ADK: variants seen among roughly 807,000 people sequenced by gnomAD.
The protein encoded by ADK is N6,N6-dimethyladenosine kinase.
Under a neutral mutation model 44.7 loss-of-function variants are expected in ADK, and 24 were observed. The observed-to-expected ratio is 0.54, with a 90% CI of 0.39 to 0.76. The LOEUF (loss-of-function observed/expected upper bound fraction) is 0.76, where lower values mean the gene tolerates loss of function less well. ADK is among the 30% of genes least tolerant of loss of function. The probability of loss-of-function intolerance (pLI) is 0.00; values close to 1 mark genes in which losing one functional copy is unlikely to be tolerated. For synonymous variants in ADK, 128 were observed against 142.6 expected, an observed-to-expected ratio of 0.90 and a Z score of 0.73; for missense variants, 321 against 425.1, an observed-to-expected ratio of 0.76 and a Z score of 2.15.
At chr10:74,218,016 G>A (rs1222034070) in intron 2 of ADK, among the ~76,000 whole-genome samples, 3 of 152,218 alleles carry the variant, frequency 2.0e-5, no homozygotes, top group Non-Finnish European at 4.4e-5. Context: ...AACAAAGCTG[G>A]ACGGAGAATG....
chr10:74,250,026 A>C (rs1845587844), intron 3 of ADK, among the ~76,000 whole-genome samples: 2 of 152,170 alleles, frequency 1.3e-5, no homozygotes, highest in African/African-American at 4.8e-5. Context: ...GCTTCTGAAG[A>C]CTTATTGCGC....
In ADK at chr10:74,431,740, C is replaced by CCAATCAAT. The variant is rs3037403; in HGVS notation, c.555+33176_555+33183dup. Among the ~76,000 whole-genome samples, 315 of 150,516 alleles carry CCAATCAAT rather than the reference C, an allele frequency of 2.1e-3. 3 individuals are homozygous for CCAATCAAT. The highest frequency in any genetic ancestry group is 3.2e-3 in the South Asian group (15 of 4,752). On this transcript the variant is annotated intron_variant, in intron 6 of 10. Transcript: ENST00000539909. ...TGGGCAACAGAGCAAGACTCTGTCT[C>CCAATCAAT]CAATCAATCAATCAATCAATCAGTA...
At chr10:74,418,387 A>G (rs1400703227) in intron 6 of ADK, among the ~76,000 whole-genome samples, 1 of 152,060 alleles carries the variant, frequency 6.6e-6, no homozygotes, top group East Asian at 1.9e-4. Flanking sequence ...ATACATTATT[A>G]GAGCACTTAC....
At chr10:74,459,622 G>A (rs750992797) in intron 6 of ADK, among the ~76,000 whole-genome samples, 1 of 151,284 alleles carries the variant, frequency 6.6e-6, no homozygotes, top group Non-Finnish European at 1.5e-5. Context: ...CCACCTGCTC[G>A]GGAGGCTGAG....
chr10:74,530,094 T>C (rs974826745), intron 7 of ADK, among the ~76,000 whole-genome samples: 1 of 152,122 alleles, frequency 6.6e-6, no homozygotes, highest in African/African-American at 2.4e-5. Context: ...ATCAGTTGAG[T>C]GATGAAATTT....
intron 10 of ADK, among the ~76,000 whole-genome samples, chr10:74,677,139 G>A (rs979343363): frequency 2.7e-4 from 41 of 152,254 alleles, no homozygotes; most frequent in African/African-American, 5.5e-4. Flanking sequence ...CAGCTACTCC[G>A]GAGGCTGAGG....
rs6480733 is a variant in ADK at position 74,313,008 on chromosome 10, T to A, written c.195-1659T>A. On this transcript the variant is annotated intron_variant, in intron 3 of 10. Transcript: ENST00000539909. The stretch of plus-strand genomic sequence containing the variant: ...TTGTGCTTATTTTTAATTAACAAAC[T>A]TATACAATGTCTGTAAACTCTATAC... Among the ~76,000 whole-genome samples the A allele has an allele frequency of 5.2e-3, 781 of 150,668 alleles. 1 individual carries two copies. Among genetic ancestry groups the A allele is most frequent in the Admixed American group, 8.3e-3 (125 of 15,088 alleles).
intron 1 of ADK, among the ~76,000 whole-genome samples, chr10:74,190,396 GTCTTTCT>G (rs1842919703): frequency 6.6e-6 from 1 of 152,178 alleles, no homozygotes; most frequent in Non-Finnish European, 1.5e-5. Context: ...GCCTTCTCAG[GTCTTTCT>G]TGAGTATGCC....
chr10:74,172,689 C>CAA (rs67914966), intron 1 of ADK, among the ~76,000 whole-genome samples: 20 of 66,270 alleles, frequency 3.0e-4, no homozygotes, highest in South Asian at 1.2e-3. Flanking sequence ...AACTCCATCT[C>CAA]AAAAAAAAAA....
At chr10:74,491,212 GTTTGTTGAGTGAATAAAGGA>G (rs1180986891) in intron 6 of ADK, among the ~76,000 whole-genome samples, 2 of 152,034 alleles carry the variant, frequency 1.3e-5, no homozygotes. Flanking sequence ...CTCAGTGAGT[GTTTGTTGAGTGAATAAAGGA>G]TCTTCACTTG....
intron 4 of ADK, among the ~76,000 whole-genome samples, chr10:74,340,532 T>C (rs1377153327): frequency 1.3e-5 from 2 of 152,158 alleles, no homozygotes; most frequent in African/African-American, 4.8e-5. Context: ...TAGCATTTGC[T>C]TTGATTAAAA....
At chr10:74,313,225 A>G (rs889354222) in intron 3 of ADK, among the ~76,000 whole-genome samples, 7 of 152,122 alleles carry the variant, frequency 4.6e-5, no homozygotes, top group Admixed American at 1.3e-4. Flanking sequence ...TTTGCATGCA[A>G]TAGTGTATGA....
intron 2 of ADK, among the ~76,000 whole-genome samples, chr10:74,218,973 T>C (rs1249617064): frequency 2.0e-5 from 3 of 151,832 alleles, no homozygotes; most frequent in Admixed American, 6.6e-5. Flanking sequence ...ACGAGCAAAA[T>C]AACCAGCTAA....
chr10:74,300,311 T>TTCCTTCCTTCTTTCCTTCCTTCC (rs1839978628), intron 3 of ADK, among the ~76,000 whole-genome samples: 1 of 67,116 alleles, frequency 1.5e-5, no homozygotes, highest in East Asian at 5.4e-4. Context: ...TCCTTCCTTC[T>TTCCTTCCTTCTTTCCTTCCTTCC]TTCCTTCCTT....
intron 4 of ADK, among the ~76,000 whole-genome samples, chr10:74,346,647 C>T (rs1205882883): frequency 1.3e-5 from 2 of 152,084 alleles, no homozygotes; most frequent in Non-Finnish European, 2.9e-5. Context: ...TGGGAAATAC[C>T]TGAGGTTTTT....
At chr10:74,683,749 T>C (rs933455789) in intron 10 of ADK, among the ~76,000 whole-genome samples, 2 of 152,222 alleles carry the variant, frequency 1.3e-5, no homozygotes, top group African/African-American at 4.8e-5. Context: ...AAGTAACATT[T>C]TTAAGGGGGA....
chr10:74,572,144 G>T (rs1370954226), intron 7 of ADK, among the ~76,000 whole-genome samples: 1 of 152,144 alleles, frequency 6.6e-6, no homozygotes, highest in East Asian at 1.9e-4. Context: ...GCTGGTACCG[G>T]TTGTTCCTTT....
intron 9 of ADK, among the ~76,000 whole-genome samples, chr10:74,625,273 C>T (rs954235183): frequency 6.6e-6 from 1 of 152,002 alleles, no homozygotes; most frequent in African/African-American, 2.4e-5. Flanking sequence ...ACAATTTTGG[C>T]AAGTTGAGAT....
At chr10:74,319,747 G>A (rs1291921679) in intron 4 of ADK, among the ~76,000 whole-genome samples, 1 of 151,968 alleles carries the variant, frequency 6.6e-6, no homozygotes, top group Non-Finnish European at 1.5e-5. Flanking sequence ...TCCTGTATAT[G>A]TTTTAGTTAC....
Sources: gnomAD v4.1 joint callset for allele counts (sites outside exome capture counted in the v4.1 genomes callset) on GRCh38, gnomAD v4.1.1 for gene constraint, MANE v1.5 for transcripts, NCBI Gene and HGNC (gene_info 2026-07-23, HGNC 2026-07-21) for gene names.